BLTP3B: variants seen among roughly 807,000 people sequenced by gnomAD.
The protein encoded by BLTP3B is UHRF1 (ICBP90) binding protein 1-like.
At chr12:100,128,526 G>A in the BLTP3B span, 1 of 1,125,420 alleles carries the variant, frequency 8.9e-7, no homozygotes, top group Admixed American at 3.7e-5. Flanking sequence ...CATATTAAGT[G>A]CTTGCATTTA....
chr12:100,063,361 G>C, the BLTP3B span, among the ~76,000 whole-genome samples: 1 of 152,146 alleles, frequency 6.6e-6, no homozygotes, highest in South Asian at 2.1e-4. Context: ...ATCCAGAAGA[G>C]AGATAACAAT....
At chr12:100,099,909 CAGAG>C in the BLTP3B span, among the ~76,000 whole-genome samples, 2 of 144,840 alleles carry the variant, frequency 1.4e-5, no homozygotes, top group African/African-American at 5.1e-5. Flanking sequence ...GCCTGGGTGA[CAGAG>C]AGAGATCACA....
chr12:100,088,095 G>A, the BLTP3B span, among the ~76,000 whole-genome samples: 1 of 151,994 alleles, frequency 6.6e-6, no homozygotes, highest in Non-Finnish European at 1.5e-5. Flanking sequence ...AGTATCCAGG[G>A]TCTCAATATT....
chr12:100,099,356 G>C, the BLTP3B span, among the ~76,000 whole-genome samples: 1 of 151,394 alleles, frequency 6.6e-6, no homozygotes, highest in East Asian at 2.0e-4. Flanking sequence ...AGCTGGGCCT[G>C]GTGGCTCACG....
chr12:100,072,879 C>G, the BLTP3B span: 1 of 1,497,184 alleles, frequency 6.7e-7, no homozygotes, highest in Non-Finnish European at 8.9e-7. Flanking sequence ...ATTTATGCAA[C>G]CCAGACAGTA....
the BLTP3B span, among the ~76,000 whole-genome samples, chr12:100,109,594 TC>T: frequency 6.6e-6 from 1 of 151,928 alleles, no homozygotes; most frequent in African/African-American, 2.4e-5. Flanking sequence ...TGAAACCTGG[TC>T]TCTACTAAAA....
chr12:100,126,254 G>A, the BLTP3B span, among the ~76,000 whole-genome samples: 2 of 152,076 alleles, frequency 1.3e-5, no homozygotes, highest in Admixed American at 1.3e-4. Context: ...AAGATTACAG[G>A]GTCACACAGT....
the BLTP3B span, chr12:100,058,082 G>C: frequency 6.2e-7 from 1 of 1,605,870 alleles, no homozygotes; most frequent in Admixed American, 1.7e-5. Flanking sequence ...CTTCTTTACT[G>C]ATATCCAGGT....
chr12:100,132,855 T>C, the BLTP3B span, among the ~76,000 whole-genome samples: 5 of 150,958 alleles, frequency 3.3e-5, no homozygotes, highest in Non-Finnish European at 5.9e-5. Flanking sequence ...GGCTGAGGCA[T>C]AAGAATTGCT....
chr12:100,101,261 C>T, the BLTP3B span, among the ~76,000 whole-genome samples: 4 of 152,150 alleles, frequency 2.6e-5, no homozygotes, highest in African/African-American at 9.7e-5. Flanking sequence ...GGCCTTTAGT[C>T]AACTCTTAGA....
the BLTP3B span, among the ~76,000 whole-genome samples, chr12:100,062,700 G>A: frequency 6.6e-6 from 1 of 152,312 alleles, no homozygotes; most frequent in Admixed American, 6.5e-5. Context: ...GTTGTCTCAT[G>A]TCTGTAATCC....
chr12:100,109,168 CTCT>C, the BLTP3B span, among the ~76,000 whole-genome samples: 11 of 62,140 alleles, frequency 1.8e-4, no homozygotes, highest in Non-Finnish European at 3.1e-4. Flanking sequence ...TCCTCTCTCT[CTCT>C]CTCTCTCTCT....
At chr12:100,137,609 A>C in the BLTP3B span, among the ~76,000 whole-genome samples, 1 of 152,102 alleles carries the variant, frequency 6.6e-6, no homozygotes, top group Non-Finnish European at 1.5e-5. Flanking sequence ...ATGAGCCACC[A>C]CACCTGGCCC....
chr12:100,041,116 T>A, the BLTP3B span, among the ~76,000 whole-genome samples: 68 of 152,284 alleles, frequency 4.5e-4, 1 homozygote, highest in African/African-American at 1.4e-3. Flanking sequence ...TAAAGCATGG[T>A]CAACTGGGAT....
At chr12:100,129,689 T>C in the BLTP3B span, among the ~76,000 whole-genome samples, 1 of 152,134 alleles carries the variant, frequency 6.6e-6, no homozygotes, top group Non-Finnish European at 1.5e-5. Context: ...ATGGAAAATG[T>C]ACTACTAAAA....
At chr12:100,106,131 A>G in the BLTP3B span, among the ~76,000 whole-genome samples, 1 of 152,202 alleles carries the variant, frequency 6.6e-6, no homozygotes, top group African/African-American at 2.4e-5. Flanking sequence ...TACAACCTCA[A>G]TAGAAAACAG....
the BLTP3B span, chr12:100,057,874 A>G: frequency 3.9e-6 from 5 of 1,287,824 alleles, no homozygotes; most frequent in Non-Finnish European, 5.3e-6. Flanking sequence ...GTATAAGCTC[A>G]AAGTGTTTTC....
At chr12:100,060,111 A>C in the BLTP3B span, 1 of 1,229,140 alleles carries the variant, frequency 8.1e-7, no homozygotes, top group Non-Finnish European at 1.1e-6. Flanking sequence ...GAGAACAAAA[A>C]ATACATGTTT....
chr12:100,069,384 C>G, the BLTP3B span, among the ~76,000 whole-genome samples: 2 of 151,834 alleles, frequency 1.3e-5, no homozygotes, highest in East Asian at 3.9e-4. Context: ...GCCCAGCAAT[C>G]AATGAAAGGA....
Sources: gnomAD v4.1 joint callset for allele counts (sites outside exome capture counted in the v4.1 genomes callset) on GRCh38, gnomAD v4.1.1 for gene constraint, MANE v1.5 for transcripts, NCBI Gene and HGNC (gene_info 2026-07-23, HGNC 2026-07-21) for gene names.